Variants in LMBR1 observed in about 807,000 individuals in gnomAD.
LMBR1 encodes the protein limb region 1 protein homolog.
LMBR1 carries 52 observed loss-of-function variants against 73.9 expected under a neutral mutation model. The observed-to-expected ratio is 0.70, with a 90% CI of 0.56 to 0.89. LMBR1 has a LOEUF of 0.89. Ranked by LOEUF, LMBR1 falls within the 40% of genes least tolerant of loss-of-function variation. LMBR1 has a pLI of 0.00. For missense variants in LMBR1, 539 were observed against 579.8 expected (o/e 0.93, Z 0.72); for synonymous variants, 215 against 209.4 (o/e 1.03, Z -0.23).
At chr7:156,794,855 T>C (rs1055730329) in intron 5 of LMBR1, among the ~76,000 whole-genome samples, 1 of 152,166 alleles carries the variant, frequency 6.6e-6, no homozygotes, top group Non-Finnish European at 1.5e-5. Context: ...GTGTGGGGCA[T>C]GTACTCCTTT....
chr7:156,722,438 T>A (rs1814788244), intron 15 of LMBR1, among the ~76,000 whole-genome samples: 1 of 152,168 alleles, frequency 6.6e-6, no homozygotes, highest in Non-Finnish European at 1.5e-5. Flanking sequence ...ACAAAGTAAC[T>A]CTCTAGTTTG....
intron 1 of LMBR1, among the ~76,000 whole-genome samples, chr7:156,870,282 A>G (rs1799076295): frequency 6.6e-6 from 1 of 152,234 alleles, no homozygotes; most frequent in Admixed American, 6.5e-5. Context: ...GCAAACAGGA[A>G]TACTTCTCCA....
At chr7:156,826,823 C>G in intron 3 of LMBR1, 79 bp from the exon 4 acceptor site, 1 of 1,322,970 alleles carries the variant, frequency 7.6e-7, no homozygotes, top group South Asian at 1.6e-5. Context: ...AATGCAAACT[C>G]TTTAATGTTT....
intron 1 of LMBR1, among the ~76,000 whole-genome samples, chr7:156,884,909 TG>T (rs1801637392): frequency 6.6e-6 from 1 of 152,196 alleles, no homozygotes; most frequent in Non-Finnish European, 1.5e-5. Context: ...GCCATAGAGT[TG>T]AGGGCAAGAC....
At chr7:156,765,980 T>C (rs954204885) in intron 5 of LMBR1, among the ~76,000 whole-genome samples, 3 of 152,220 alleles carry the variant, frequency 2.0e-5, no homozygotes, top group African/African-American at 2.4e-5. Context: ...ATTATAACAC[T>C]GTAACAATAA....
At chr7:156,822,714 TA>T (rs1446905994) in intron 4 of LMBR1, 1 of 151,716 alleles carries the variant, frequency 6.6e-6, no homozygotes, top group African/African-American at 2.4e-5. Flanking sequence ...GAAAAACATG[TA>T]AAAAATTGAA....
chr7:156,821,774 C>T (rs1176615397), intron 4 of LMBR1, among the ~76,000 whole-genome samples: 1 of 142,156 alleles, frequency 7.0e-6, no homozygotes, highest in African/African-American at 2.5e-5. Context: ...AGTCAGCCTC[C>T]TTCCCCAGCC....
chr7:156,781,525 A>G (rs959424641), intron 5 of LMBR1, among the ~76,000 whole-genome samples: 1 of 152,098 alleles, frequency 6.6e-6, no homozygotes, highest in African/African-American at 2.4e-5. Flanking sequence ...ATATATTTAT[A>G]TATTTTTCCA....
chr7:156,874,518 C>G (rs1799869145), intron 1 of LMBR1, among the ~76,000 whole-genome samples: 1 of 152,248 alleles, frequency 6.6e-6, no homozygotes, highest in African/African-American at 2.4e-5. Context: ...GGGGAGGCGC[C>G]AAGAGCAAGC....
chr7:156,746,033 A>G (rs1156791923), intron 9 of LMBR1, among the ~76,000 whole-genome samples: 3 of 152,230 alleles, frequency 2.0e-5, no homozygotes, highest in Admixed American at 6.5e-5. Flanking sequence ...GGGGGAAGCA[A>G]TTAAGTTACA....
chr7:156,880,922 G>C (rs577315458), intron 1 of LMBR1, among the ~76,000 whole-genome samples: 1 of 152,208 alleles, frequency 6.6e-6, no homozygotes, highest in African/African-American at 2.4e-5. Context: ...CAAAGTGCTG[G>C]GACTTCAAGC....
At chr7:156,805,453 T>A (rs1323881594) in intron 4 of LMBR1, among the ~76,000 whole-genome samples, 1 of 152,270 alleles carries the variant, frequency 6.6e-6, no homozygotes. Flanking sequence ...TGACCTCAAG[T>A]GATCTGCCTG....
chr7:156,888,379 C>T (rs1229324581), intron 1 of LMBR1, among the ~76,000 whole-genome samples: 1 of 145,602 alleles, frequency 6.9e-6, no homozygotes, highest in Non-Finnish European at 1.5e-5. Context: ...CACTGCACTC[C>T]AGCCTGGGAA....
At chr7:156,765,244 G>A (rs539240411) in intron 5 of LMBR1, among the ~76,000 whole-genome samples, 10 of 152,274 alleles carry the variant, frequency 6.6e-5, no homozygotes, top group South Asian at 6.2e-4. Flanking sequence ...CCCATGTGTC[G>A]TGGGAAGGAC....
intron 4 of LMBR1, chr7:156,822,107 G>A (rs1834889533): frequency 6.6e-6 from 1 of 152,100 alleles, no homozygotes; most frequent in African/African-American, 2.4e-5. Flanking sequence ...TAAAATGTAT[G>A]AACTTTTTAA....
intron 15 of LMBR1, among the ~76,000 whole-genome samples, chr7:156,719,025 T>C (rs181389860): frequency 9.5e-4 from 144 of 152,050 alleles, no homozygotes; most frequent in African/African-American, 3.2e-3. Flanking sequence ...GGTACATGTG[T>C]ACAATGTGCA....
At chr7:156,848,574 A>G (rs1795820038) in intron 1 of LMBR1, among the ~76,000 whole-genome samples, 3 of 152,208 alleles carry the variant, frequency 2.0e-5, no homozygotes, top group Admixed American at 2.0e-4. Context: ...TAAACTGGCT[A>G]GTGGAACTGT....
chr7:156,835,955 C>A (rs1466478110), intron 2 of LMBR1, among the ~76,000 whole-genome samples: 1 of 152,118 alleles, frequency 6.6e-6, no homozygotes, highest in Admixed American at 6.6e-5. Context: ...TGAAACCATG[C>A]CAATGAATTT....
chr7:156,770,919 C>T (rs769611410), intron 5 of LMBR1, among the ~76,000 whole-genome samples: 4 of 150,888 alleles, frequency 2.7e-5, no homozygotes, highest in Non-Finnish European at 4.4e-5. Context: ...GTCTCAGAAA[C>T]AAATAAATAA....
Sources: allele counts gnomAD v4.1 joint callset (sites outside exome capture counted in the v4.1 genomes callset), GRCh38; gene constraint gnomAD v4.1.1; transcripts MANE v1.5; gene names NCBI Gene and HGNC (gene_info 2026-07-23, HGNC 2026-07-21).